Variants in SYNC observed in about 807,000 individuals in gnomAD.
SYNC encodes the protein syncoilin.
In SYNC, 38 loss-of-function variants were observed where a neutral mutation model predicts 49.5. The observed-to-expected ratio is 0.77, with a 90% confidence interval of 0.59 to 1.01. The LOEUF (loss-of-function observed/expected upper bound fraction) is 1.01, where lower values mean the gene tolerates loss of function less well. Ranked by LOEUF, SYNC falls within the 50% of genes least tolerant of loss-of-function variation. The pLI, the probability that SYNC is intolerant of heterozygous loss-of-function variation, is 0.00. For missense variants in SYNC, 579 were observed against 580.6 expected, an observed-to-expected ratio of 1.00 and a Z score of 0.03; for synonymous variants, 201 against 230.8, an observed-to-expected ratio of 0.87 and a Z score of 1.17.
At position 32,683,986 on chromosome 1, in the gene SYNC, C is replaced by A. The variant is rs113064014; in HGVS notation, c.1438+24G>T. ...AGGAAAGCAGTAACAATGCAAACAC[C>A]ACTCTTCTCTTCACAAAGATCACCT... On this transcript the variant is annotated intron_variant, in intron 4 of 4. Transcript: ENST00000409190. 9 of 1,606,624 alleles carry A rather than the reference C, an allele frequency of 5.6e-6. No individual in the cohort carries two copies. In the African/African-American group the frequency reaches 6.7e-5, roughly 12 times the overall value.
At chr1:32,687,652 CAG>C (rs1273828052) in intron 2 of SYNC, among the ~76,000 whole-genome samples, 3 of 140,246 alleles carry the variant, frequency 2.1e-5, no homozygotes, top group African/African-American at 7.8e-5. Flanking sequence ...AGCCTGGAGA[CAG>C]AGCGAGGCTC....
chr1:32,694,942 G>A lies in SYNC; in HGVS notation c.1156C>T (p.Arg386Cys), dbSNP rs756555201. ...TCCTCCAGGTTCCTGTTTTGCAGGC[G>A]GAGCTGCCGGGCCTCTGCTTGCAGG... The part of the protein sequence containing the change: ...RPLQAEARQL[R>C]LQNRNLEDQI... The change falls in exon 2 of 5, where the codon CGC becomes TGC. Residue 386 changes from arginine to cysteine, a missense_variant. Transcript: ENST00000409190. 1.1e-5 allele frequency: 18 copies of A among 1,613,360 alleles called. No individual in the cohort carries two copies. The highest frequency in any genetic ancestry group is 4.4e-5 in the South Asian group (4 of 91,072).
intron 1 of SYNC, among the ~76,000 whole-genome samples, chr1:32,699,728 C>CTTTTTTTTTTT (rs58903413): frequency 4.0e-5 from 5 of 125,982 alleles, no homozygotes; most frequent in Non-Finnish European, 3.5e-5. Flanking sequence ...CCAAACATAC[C>CTTTTTTTTTTT]TTTTTTTTTT....
rs1480279766 is a variant in SYNC, at chr1:32,702,077, C to G, written c.53+531G>C. 6.6e-6 allele frequency among the ~76,000 whole-genome samples: 1 copy of G among 152,186 alleles called. No homozygotes were observed. The highest frequency in any genetic ancestry group is 1.5e-5 in the Non-Finnish European group (1 of 68,020). ...CCCCTCAGCCACAGGTCCCTTCCCCCAATAATCAGCCGTGCCCTGCCAGGA... is the reference window on the plus strand; with the variant it reads ...CCCCTCAGCCACAGGTCCCTTCCCCGAATAATCAGCCGTGCCCTGCCAGGA... On this transcript the variant is annotated intron_variant, in intron 1 of 4. Coordinates refer to ENST00000409190, the MANE Select transcript of SYNC (RefSeq NM_030786.3). The surrounding 1 kb of genome is among the most constrained non-coding windows in gnomAD (Gnocchi z 6.2).
chr1:32,687,597 G>A (rs1200314734), intron 2 of SYNC, among the ~76,000 whole-genome samples: 3 of 151,294 alleles, frequency 2.0e-5, no homozygotes, highest in Non-Finnish European at 2.9e-5. Context: ...ACTTGAACCC[G>A]GGAGGCAAAG....
chr1:32,692,048 C>T lies in SYNC; in HGVS notation c.1233+2817G>A, dbSNP rs1055890679. ...GAGATGGAGACCATCCTGGCTAACA[C>T]GGTGAAACCCCGTCTCTATTAAAAA... On this transcript the variant is annotated intron_variant, in intron 2 of 4. Transcript: ENST00000409190. 1.7e-4 allele frequency among the ~76,000 whole-genome samples: 26 copies of T among 152,174 alleles called. No individual in the cohort carries two copies. In the South Asian group the frequency reaches 1.9e-3, roughly 11 times the overall value.
At chr1:32,691,428 CTGT>C (rs766029485) in intron 2 of SYNC, among the ~76,000 whole-genome samples, 63 of 151,970 alleles carry the variant, frequency 4.1e-4, no homozygotes, top group Admixed American at 1.4e-3. Context: ...TGTTAGGCGC[CTGT>C]AATCCCAGCT....
At chr1:32,687,401 G>A (rs1012157890) in intron 2 of SYNC, among the ~76,000 whole-genome samples, 1 of 150,856 alleles carries the variant, frequency 6.6e-6, no homozygotes, top group Non-Finnish European at 1.5e-5. Flanking sequence ...AGTAGGCCAG[G>A]CACGGTGGTT....
intron 1 of SYNC, among the ~76,000 whole-genome samples, chr1:32,698,047 AC>A (rs1650508914): frequency 6.6e-6 from 1 of 150,852 alleles, no homozygotes; most frequent in African/African-American, 2.4e-5. Flanking sequence ...ACATGGTGAA[AC>A]CCCGTCTCTA....
intron 1 of SYNC, among the ~76,000 whole-genome samples, chr1:32,696,866 A>G (rs1443521275): frequency 6.7e-6 from 1 of 149,870 alleles, no homozygotes; most frequent in Non-Finnish European, 1.5e-5. Flanking sequence ...TTCAGCCTCC[A>G]CCTCCCAGGT....
intron 2 of SYNC, among the ~76,000 whole-genome samples, chr1:32,688,731 C>T (rs1258109613): frequency 2.0e-5 from 3 of 151,558 alleles, no homozygotes; most frequent in Non-Finnish European, 2.9e-5. Context: ...TACAGGCATG[C>T]ACCACCACGC....
At chr1:32,696,607 G>A (rs866246757) in intron 1 of SYNC, among the ~76,000 whole-genome samples, 4 of 151,824 alleles carry the variant, frequency 2.6e-5, no homozygotes, top group East Asian at 1.9e-4. Context: ...ATACCACCAC[G>A]CCCGGCTAAT....
Position 32,696,511 on chromosome 1 carries a change from G to A in SYNC, c.54-467C>T, listed in dbSNP as rs550933526. ...TTGCCAGGCTGGAATGCAGTGGTGCGATCTTGGCTCACTGCAGCCTCCACC... is the reference window on the plus strand; with the variant it reads ...TTGCCAGGCTGGAATGCAGTGGTGCAATCTTGGCTCACTGCAGCCTCCACC... On this transcript the variant is annotated intron_variant, in intron 1 of 4. Transcript: ENST00000409190. 5.9e-5 allele frequency among the ~76,000 whole-genome samples: 9 copies of A among 151,284 alleles called. No homozygotes were observed. The East Asian group carries it at 1.2e-3, about 20-fold the overall frequency.
At chr1:32,685,992 A>G (rs892206422) in intron 2 of SYNC, 1 of 152,210 alleles carries the variant, frequency 6.6e-6, no homozygotes, top group Non-Finnish European at 1.5e-5. Context: ...ACTCTTCCGT[A>G]TGAACATTTT....
At chr1:32,701,703 A>C (rs942847649) in intron 1 of SYNC, among the ~76,000 whole-genome samples, 6 of 152,176 alleles carry the variant, frequency 3.9e-5, no homozygotes, top group African/African-American at 1.4e-4. Flanking sequence ...GAGGAGAGGA[A>C]GCCAGCTTAG....
chr1:32,696,457 T>C (rs528041304), intron 1 of SYNC, among the ~76,000 whole-genome samples: 2 of 148,274 alleles, frequency 1.3e-5, no homozygotes, highest in South Asian at 4.3e-4. Flanking sequence ...CCACCACGCC[T>C]TTTTTTTTTG....
rs1650697306 is a variant in SYNC at position 32,702,277 on chromosome 1, G to T, written c.53+331C>A. Among the ~76,000 whole-genome samples the T allele has an allele frequency of 6.6e-6, 1 of 152,242 alleles. No homozygotes were observed. The highest frequency in any genetic ancestry group is 2.1e-4 in the South Asian group (1 of 4,834). On this transcript the variant is annotated intron_variant, in intron 1 of 4. Coordinates refer to ENST00000409190, the MANE Select transcript of SYNC (RefSeq NM_030786.3). This position sits in a 1 kb window ranked among gnomAD's most constrained non-coding sequence, Gnocchi z 6.2. ...CTCTGTCTCCAACTGACATTTGCAGGGAGGAATGAAGGCTAGCGAGAAGTG... is the reference window on the plus strand; with the variant it reads ...CTCTGTCTCCAACTGACATTTGCAGTGAGGAATGAAGGCTAGCGAGAAGTG...
chr1:32,687,864 T>TTATTATTA (rs1557871719), intron 2 of SYNC, among the ~76,000 whole-genome samples: 18 of 3,762 alleles, frequency 4.8e-3, no homozygotes, highest in African/African-American at 6.6e-3. Flanking sequence ...TATTATTATT[T>TTATTATTA]TTTGAGATGG....
intron 2 of SYNC, among the ~76,000 whole-genome samples, chr1:32,688,708 G>A (rs997463166): frequency 1.3e-5 from 2 of 151,054 alleles, no homozygotes; most frequent in African/African-American, 4.9e-5. Context: ...CTCAGCCCCC[G>A]AGTAGCTGGG....
Sources: gnomAD v4.1 joint callset for allele counts (sites outside exome capture counted in the v4.1 genomes callset) on GRCh38, gnomAD v4.1.1 for gene constraint, Gnocchi (gnomAD v3.1) non-coding constraint, MANE v1.5 for transcripts, NCBI Gene and HGNC (gene_info 2026-07-23, HGNC 2026-07-21) for gene names.